Variants in CAMKK2 observed in about 807,000 individuals in gnomAD.
CAMKK2 encodes calcium/calmodulin dependent protein kinase kinase 2.
A neutral mutation model predicts 67.2 loss-of-function variants in CAMKK2; 30 were observed. The observed-to-expected ratio is 0.45, with a 90% CI of 0.33 to 0.61. The LOEUF (loss-of-function observed/expected upper bound fraction) is 0.61, where lower values mean the gene tolerates loss of function less well. CAMKK2 is among the 20% of genes least tolerant of loss of function. CAMKK2 has a pLI of 0.02. For missense variants in CAMKK2, 643 were observed against 802.0 expected (o/e 0.80, Z 2.39); for synonymous variants, 322 against 326.2 (o/e 0.99, Z 0.14).
intron 14 of CAMKK2, among the ~76,000 whole-genome samples, chr12:121,247,140 C>G (rs539533440): frequency 7.9e-5 from 12 of 152,206 alleles, no homozygotes; most frequent in African/African-American, 2.9e-4. Context: ...CGCCCTCTCT[C>G]GGCGGAGTTA....
intron 6 of CAMKK2, among the ~76,000 whole-genome samples, chr12:121,262,284 G>A (rs923227711): frequency 3.3e-5 from 5 of 152,108 alleles, no homozygotes; most frequent in African/African-American, 1.2e-4. Flanking sequence ...AGGCCAAGGC[G>A]GCTGGATCAC....
At chr12:121,274,610 G>A (rs1566110715) in intron 1 of CAMKK2, 25 bp from the exon 2 acceptor site, 2 of 942,742 alleles carry the variant, frequency 2.1e-6, no homozygotes, top group Non-Finnish European at 3.1e-6. Context: ...AGGGTCAGCT[G>A]GCCCAGCTCC....
intron 1 of CAMKK2, among the ~76,000 whole-genome samples, chr12:121,278,627 G>A (rs113464444): frequency 4.6e-5 from 7 of 152,130 alleles, no homozygotes; most frequent in African/African-American, 1.7e-4. Context: ...TTCCGCTTTT[G>A]CATCTTCCTC....
chr12:121,241,020 T>C, intron 16 of CAMKK2, 151 bp from the exon 17 acceptor site: 1 of 720,380 alleles, frequency 1.4e-6, no homozygotes, highest in Non-Finnish European at 2.3e-6. Flanking sequence ...TGAGATCCTC[T>C]CCCCTTTTCC....
At chr12:121,292,602 G>A (rs1900279358) in intron 1 of CAMKK2, among the ~76,000 whole-genome samples, 1 of 152,196 alleles carries the variant, frequency 6.6e-6, no homozygotes, top group Non-Finnish European at 1.5e-5. Context: ...CAGCCAGCCG[G>A]CCTGAACCCC....
Position 121,257,356 on chromosome 12 carries a change from T to C in CAMKK2, c.797-1552A>G, listed in dbSNP as rs556614442. Among the ~76,000 whole-genome samples the C allele has an allele frequency of 2.3e-4, 35 of 151,952 alleles. 1 individual carries two copies. The highest frequency in any genetic ancestry group is 4.1e-4 in the African/African-American group (17 of 41,444). On this transcript the variant is annotated intron_variant, in intron 7 of 16. Transcript: ENST00000404169. ...CTGCCTCCTGGGTTCAAGCGATTCT[T>C]CTGCCTCAGCCTCCCGAGTAGCTGG...
intron 1 of CAMKK2, among the ~76,000 whole-genome samples, chr12:121,289,382 T>C (rs897789752): frequency 6.6e-6 from 1 of 152,242 alleles, no homozygotes; most frequent in African/African-American, 2.4e-5. Flanking sequence ...GGGTCTTCCC[T>C]ACAAAATCTA....
At chr12:121,267,022 CTTTTTTTTTTTTTTTTTT>C (rs58762246) in intron 5 of CAMKK2, among the ~76,000 whole-genome samples, 3 of 30,738 alleles carry the variant, frequency 9.8e-5, no homozygotes, top group African/African-American at 1.3e-4. Context: ...GTGCTCTGGC[CTTTTTTTTTTTTTTTTTT>C]TTTTTTTTTT....
In CAMKK2 at chr12:121,268,689, C is replaced by T. The variant is rs763773184; in HGVS notation, c.574G>A (p.Ala192Thr). The T allele has an allele frequency of 6.2e-7, 1 of 1,613,860 alleles. No homozygotes were observed. Residue 192 changes from alanine to threonine, a missense_variant and splice_region_variant, in exon 5 of 17, where the codon GCA (alanine) becomes ACA (threonine). Ala to Thr is a moderately conservative substitution (Grantham distance 58). Coordinates refer to ENST00000404169, the MANE Select transcript of CAMKK2 (RefSeq NM_001270485.2). Reference protein sequence around the residue: ...AYNENDNTYYAMKVLSKKKLI... With the variant: ...AYNENDNTYYTMKVLSKKKLI... Reference sequence around the variant, plus strand: ...TTCTTTTTGGACAGCACCTTCATTGCCTGCAGGAAAATGAAGGACAGCACC... The same window carrying T: ...TTCTTTTTGGACAGCACCTTCATTGTCTGCAGGAAAATGAAGGACAGCACC...
At chr12:121,271,393 C>G (rs964879832) in intron 2 of CAMKK2, among the ~76,000 whole-genome samples, 9 of 152,050 alleles carry the variant, frequency 5.9e-5, no homozygotes, top group Non-Finnish European at 7.3e-5. Flanking sequence ...ACTCGCACCT[C>G]TGCCCTCCCC....
chr12:121,293,531 C>T (rs1488321046), intron 1 of CAMKK2, among the ~76,000 whole-genome samples: 1 of 151,992 alleles, frequency 6.6e-6, no homozygotes, highest in Admixed American at 6.6e-5. Flanking sequence ...GATTCTGTGG[C>T]CCATGTTAAA....
rs199675446 is a variant in CAMKK2, at chr12:121,240,072, T to C, written c.*627A>G. 7.3e-5 allele frequency: 15 copies of C among 204,978 alleles called. No homozygotes were observed. The highest frequency in any genetic ancestry group is 2.1e-4 in the African/African-American group (9 of 42,842). 12.7% of individuals were successfully genotyped at this position (204,978 alleles called of 1,614,324 possible). On this transcript the variant is annotated 3_prime_UTR_variant, in exon 17 of 17. Coordinates refer to ENST00000404169, the MANE Select transcript of CAMKK2 (RefSeq NM_001270485.2). This position sits in a 1 kb window ranked among gnomAD's most constrained non-coding sequence, Gnocchi z 4.4. ...GAAAATCCCCTTCCAGCAGCACTTA[T>C]TAAATTTCAAGCCCTTTCTGTTTTC...
In CAMKK2 at chr12:121,289,468, G is replaced by C. The variant is rs574125085; in HGVS notation, c.-60+7170C>G. Among the ~76,000 whole-genome samples, 6 of 152,218 alleles carry C rather than the reference G, an allele frequency of 3.9e-5. No homozygotes were observed. In the East Asian group the frequency reaches 1.2e-3, roughly 29 times the overall value. The stretch of plus-strand genomic sequence containing the variant: ...TTTTGTTGAGAAAGGGGTCCAATCA[G>C]GGAAGAAAACAAATAATAATTCTAA... On this transcript the variant is annotated intron_variant, in intron 1 of 16. Transcript: ENST00000404169.
chr12:121,265,394 C>A (rs146407853), intron 5 of CAMKK2, among the ~76,000 whole-genome samples: 139 of 152,212 alleles, frequency 9.1e-4, no homozygotes, highest in African/African-American at 3.3e-3. Context: ...AGCTGACCAT[C>A]AGGAGAGCGT....
At chr12:121,246,254 G>C (rs568104388) in intron 14 of CAMKK2, among the ~76,000 whole-genome samples, 10 of 68,840 alleles carry the variant, frequency 1.5e-4, no homozygotes, top group African/African-American at 3.2e-4. Flanking sequence ...AAGAAGGAGC[G>C]GGGGGGGGGA....
intron 7 of CAMKK2, 78 bp downstream of exon 7, chr12:121,260,241 G>A: frequency 7.8e-7 from 1 of 1,277,108 alleles, no homozygotes; most frequent in Non-Finnish European, 1.1e-6. Flanking sequence ...CCAGGGCACA[G>A]GCTGCCTCGA....
intron 1 of CAMKK2, among the ~76,000 whole-genome samples, chr12:121,291,971 G>A (rs1035697515): frequency 1.3e-5 from 2 of 151,772 alleles, no homozygotes; most frequent in African/African-American, 2.4e-5. Context: ...CAGGAGAATC[G>A]CTTGAACCCA....
chr12:121,270,242 C>A lies in CAMKK2; in HGVS notation c.519+656G>T, dbSNP rs1005437543. On this transcript the variant is annotated intron_variant, in intron 3 of 16. Coordinates refer to ENST00000404169, the MANE Select transcript of CAMKK2 (RefSeq NM_001270485.2). Reference sequence around the variant, plus strand: ...AAAATTAGCCAGGTGTGGTGGTGCACACCTGTACTCCCAACTACTTGGGAG... The same window carrying A: ...AAAATTAGCCAGGTGTGGTGGTGCAAACCTGTACTCCCAACTACTTGGGAG... 4.6e-5 allele frequency among the ~76,000 whole-genome samples: 7 copies of A among 151,854 alleles called. No homozygotes were observed. The East Asian group carries it at 1.4e-3, about 29-fold the overall frequency.
At position 121,240,399 on chromosome 12, in the gene CAMKK2, AT is replaced by A; in HGVS notation, c.*299del. 4.7e-6 allele frequency: 7 copies of A among 1,495,682 alleles called. No individual in the cohort carries two copies. Among genetic ancestry groups the A allele is most frequent in the Non-Finnish European group, 6.3e-6 (7 of 1,117,902 alleles). 92.7% of individuals were successfully genotyped at this position (1,495,682 alleles called of 1,614,324 possible). On this transcript the variant is annotated 3_prime_UTR_variant, in exon 17 of 17. Transcript: ENST00000404169. This position sits in a 1 kb window ranked among gnomAD's most constrained non-coding sequence, Gnocchi z 4.4. ...GTGGTTCTGAAAATCACAATGAAGG[AT>A]TTTTGGCATAAAAACGTTTTAAAAA...
Sources: allele counts gnomAD v4.1 joint callset (sites outside exome capture counted in the v4.1 genomes callset), GRCh38; gene constraint gnomAD v4.1.1; non-coding constraint Gnocchi (gnomAD v3.1); transcripts MANE v1.5; gene names NCBI Gene and HGNC (gene_info 2026-07-23, HGNC 2026-07-21).